The following SLC15A5 variants were observed in gnomAD, a reference collection of about 807,000 sequenced individuals.
SLC15A5 encodes the protein Peptide/histidine transporter ENSP00000340402.
SLC15A5 carries 58 observed loss-of-function variants against 56.1 expected under a neutral mutation model. The observed-to-expected ratio is 1.03, with a 90% CI of 0.84 to 1.29. The LOEUF (loss-of-function observed/expected upper bound fraction) is 1.29. SLC15A5 is among the 50% of genes most tolerant of loss of function. The probability of loss-of-function intolerance (pLI) is 0.00; values close to 1 mark genes in which losing one functional copy is unlikely to be tolerated. For missense variants in SLC15A5, 681 were observed against 672.1 expected (o/e 1.01, Z -0.15); for synonymous variants, 264 against 250.5 (o/e 1.05, Z -0.51).
In SLC15A5 at chr12:16,244,794, G is replaced by T. The variant is rs1160547924; in HGVS notation, c.761C>A (p.Ser254Tyr). ...CAACACCCCAACGCCTGTCAGGAGA[G>T]AACAACCTGCAAGTAATCGGAGATA... ...NLIYQSEKRCSLLTGVGVLVS... is the reference protein window; with the variant it reads ...NLIYQSEKRCYLLTGVGVLVS... Residue 254 changes from serine (S) to tyrosine (Y), a missense_variant, in exon 4 of 9, where the codon TCT becomes TAT. Coordinates refer to ENST00000344941, the MANE Select transcript of SLC15A5 (RefSeq NM_001170798.1). The T allele has an allele frequency of 3.3e-6, 5 of 1,537,622 alleles. No individual in the cohort carries two copies. The South Asian group carries it at 3.6e-5, about 11-fold the overall frequency.
chr12:16,189,624 C>A lies in SLC15A5; in HGVS notation c.*44G>T. ...TAAAATGCTCAACTGAAGAAGAAAA[C>A]AATGAATACTGTTCTCATAAGACAG... On this transcript the variant is annotated 3_prime_UTR_variant, in exon 9 of 9. Transcript: ENST00000344941. 7.3e-7 allele frequency: 1 copy of A among 1,372,980 alleles called. No homozygotes were observed. The highest frequency in any genetic ancestry group is 9.4e-7 in the Non-Finnish European group (1 of 1,062,790). The allele number at this position is 1,372,980 out of a possible 1,614,324, so 85.0% of individuals were successfully genotyped here. A position where few individuals can be genotyped will look rare whatever the true frequency, so the allele number is the denominator to read the frequency against.
At chr12:16,265,654 TG>T (rs1170114751) in intron 2 of SLC15A5, among the ~76,000 whole-genome samples, 1 of 152,076 alleles carries the variant, frequency 6.6e-6, no homozygotes, top group Non-Finnish European at 1.5e-5. Flanking sequence ...AATTTTTTTT[TG>T]TATTTTTTGT....
chr12:16,194,065 C>T (rs549178781), intron 8 of SLC15A5, among the ~76,000 whole-genome samples: 211 of 151,856 alleles, frequency 1.4e-3, no homozygotes, highest in African/African-American at 4.8e-3. Context: ...TTCTTATTAT[C>T]GATAAGCTTA....
chr12:16,268,816 A>G (rs1864720217), intron 2 of SLC15A5, among the ~76,000 whole-genome samples: 1 of 152,116 alleles, frequency 6.6e-6, no homozygotes, highest in South Asian at 2.1e-4. Context: ...CACCTGAAGT[A>G]CTTGATATGG....
chr12:16,261,217 T>C lies in SLC15A5; in HGVS notation c.585-3347A>G, dbSNP rs541756235. On this transcript the variant is annotated intron_variant, in intron 2 of 8. Coordinates refer to ENST00000344941, the MANE Select transcript of SLC15A5 (RefSeq NM_001170798.1). Reference sequence around the variant, plus strand: ...CTTCTAAAGCTCAGTCACATCCCTTTGTCATCCTTCCTCTTACCCCTTCTC... The same window carrying C: ...CTTCTAAAGCTCAGTCACATCCCTTCGTCATCCTTCCTCTTACCCCTTCTC... Among the ~76,000 whole-genome samples the C allele has an allele frequency of 9.9e-5, 15 of 152,276 alleles. No homozygotes were observed. In the East Asian group the frequency reaches 2.7e-3, roughly 27 times the overall value.
intron 7 of SLC15A5, among the ~76,000 whole-genome samples, chr12:16,214,271 C>T (rs999633168): frequency 6.6e-6 from 1 of 152,122 alleles, no homozygotes; most frequent in African/African-American, 2.4e-5. Flanking sequence ...AAAAAATTTG[C>T]CTGGACTGAT....
In SLC15A5 at chr12:16,237,932, C is replaced by T. The variant is rs944608485; in HGVS notation, c.1162+1749G>A. Among the ~76,000 whole-genome samples the T allele has an allele frequency of 6.6e-6, 1 of 152,140 alleles. No homozygotes were observed. The highest frequency in any genetic ancestry group is 1.5e-5 in the Non-Finnish European group (1 of 68,030). On this transcript the variant is annotated intron_variant, in intron 5 of 8. Transcript: ENST00000344941. The surrounding 1 kb of genome is among the most constrained non-coding windows in gnomAD (Gnocchi z 4.1). Reference sequence around the variant, plus strand: ...TTCCTTTTTTATCTTTATTTTACTGCTAATCCTGGACATTCACCAAATATG... The same window carrying T: ...TTCCTTTTTTATCTTTATTTTACTGTTAATCCTGGACATTCACCAAATATG...
chr12:16,276,321 C>T (rs1270787727), intron 1 of SLC15A5, among the ~76,000 whole-genome samples: 2 of 152,098 alleles, frequency 1.3e-5, no homozygotes, highest in East Asian at 3.9e-4. Flanking sequence ...TCTCATCTGT[C>T]CCCCTACCAA....
intron 7 of SLC15A5, among the ~76,000 whole-genome samples, chr12:16,200,557 GA>G: frequency 6.6e-6 from 1 of 152,100 alleles, no homozygotes; most frequent in Middle Eastern, 3.4e-3. Context: ...TTAGTATGAA[GA>G]AAGAATATTT....
At chr12:16,240,625 ATT>A (rs1266906969) in intron 4 of SLC15A5, among the ~76,000 whole-genome samples, 1 of 152,078 alleles carries the variant, frequency 6.6e-6, no homozygotes, top group East Asian at 1.9e-4. Context: ...GAATTTCTTC[ATT>A]TTAAAAATAA....
intron 5 of SLC15A5, among the ~76,000 whole-genome samples, chr12:16,233,187 G>C (rs1864314801): frequency 6.6e-6 from 1 of 151,904 alleles, no homozygotes; most frequent in African/African-American, 2.4e-5. Flanking sequence ...ATTGTTACTT[G>C]TGCTATGTAA....
intron 7 of SLC15A5, among the ~76,000 whole-genome samples, chr12:16,212,527 C>CGT (rs1555170757): frequency 6.6e-6 from 1 of 152,176 alleles, no homozygotes; most frequent in African/African-American, 2.4e-5. Flanking sequence ...TCCAGAAAAA[C>CGT]GTGAAAAGTC....
chr12:16,246,904 T>TA (rs536222320), intron 3 of SLC15A5, among the ~76,000 whole-genome samples: 1 of 152,248 alleles, frequency 6.6e-6, no homozygotes, highest in African/African-American at 2.4e-5. Flanking sequence ...CAACCTGTGT[T>TA]AAAAATGAGT....
intron 7 of SLC15A5, among the ~76,000 whole-genome samples, chr12:16,202,839 G>T (rs1863971314): frequency 6.6e-6 from 1 of 152,086 alleles, no homozygotes. Flanking sequence ...AGTACATTAT[G>T]CTAATTGACG....
chr12:16,257,784 A>T lies in SLC15A5; in HGVS notation c.671T>A (p.Leu224Ter). The stretch of plus-strand genomic sequence containing the variant: ...AAGCATAGACATAAAAGGAATAAGT[A>T]AAACAAGGGCCCAGGCCTGTGAGTG... ...IQHSQAWALV[L>*]LIPFMSMLMA... Residue 224 changes from leucine to a stop codon, truncating the protein, a stop_gained, in exon 3 of 9, where the codon TTA becomes TAA. Transcript: ENST00000344941. LOFTEE classifies it high-confidence loss of function. The T allele has an allele frequency of 6.5e-7, 1 of 1,532,654 alleles. No homozygotes were observed. Among genetic ancestry groups the T allele is most frequent in the South Asian group, 1.2e-5 (1 of 82,862 alleles). 94.9% of individuals were successfully genotyped at this position (1,532,654 alleles called of 1,614,324 possible).
chr12:16,257,157 C>T (rs1482950621), intron 3 of SLC15A5, among the ~76,000 whole-genome samples: 1 of 151,958 alleles, frequency 6.6e-6, no homozygotes, highest in Non-Finnish European at 1.5e-5. Context: ...TTGATAATGA[C>T]ATTGTGGTTA....
chr12:16,235,290 G>GTATATGTATATATATGTA lies in SLC15A5; in HGVS notation c.1162+4390_1162+4391insTACATATATATACATATA, dbSNP rs1864341085. Among the ~76,000 whole-genome samples, 1 of 145,182 alleles carries GTATATGTATATATATGTA rather than the reference G, an allele frequency of 6.9e-6. No homozygotes were observed. The highest frequency in any genetic ancestry group is 1.5e-5 in the Non-Finnish European group (1 of 66,310). ...TGTATATGTATATATATGTATATAT[G>GTATATGTATATATATGTA]TATATGTATATGTATATATATGTAT... On this transcript the variant is annotated intron_variant, in intron 5 of 8. Transcript: ENST00000344941. The surrounding 1 kb of genome is among the most constrained non-coding windows in gnomAD (Gnocchi z 4.1).
At position 16,257,753 on chromosome 12, in the gene SLC15A5, A is replaced by G; in HGVS notation, c.702T>C (p.Ala234=). 6.5e-7 allele frequency: 1 copy of G among 1,528,100 alleles called. No individual in the cohort carries two copies. The highest frequency in any genetic ancestry group is 1.2e-5 in the South Asian group (1 of 81,680). The allele number at this position is 1,528,100 out of a possible 1,614,324, so 94.7% of individuals were successfully genotyped here. ...AGTATATCATATGAAGAGTTATCAC[A>G]GCCATAAGCATAGACATAAAAGGAA... The part of the protein sequence containing the change: ...LLIPFMSMLM[A]VITLHMIYYN... Residue 234 remains alanine, a synonymous_variant, in exon 3 of 9, where the codon GCT becomes GCC. Transcript: ENST00000344941.
chr12:16,196,004 G>T lies in SLC15A5; in HGVS notation c.1484-1551C>A, dbSNP rs999451338. ...CGGTAAAGTGCAACTTACAAAATAG[G>T]TATTATTTTGTCAAAAGAACTGGGT... On this transcript the variant is annotated intron_variant, in intron 7 of 8. Coordinates refer to ENST00000344941, the MANE Select transcript of SLC15A5 (RefSeq NM_001170798.1). This position sits in a 1 kb window ranked among gnomAD's most constrained non-coding sequence, Gnocchi z 4.0. 6.6e-6 allele frequency among the ~76,000 whole-genome samples: 1 copy of T among 151,970 alleles called. No homozygotes were observed. The highest frequency in any genetic ancestry group is 2.4e-5 in the African/African-American group (1 of 41,470).
Sources: gnomAD v4.1 joint callset for allele counts (sites outside exome capture counted in the v4.1 genomes callset) on GRCh38, gnomAD v4.1.1 for gene constraint, Gnocchi (gnomAD v3.1) non-coding constraint, MANE v1.5 for transcripts, NCBI Gene and HGNC (gene_info 2026-07-23, HGNC 2026-07-21) for gene names.